The following SLC45A4 variants were observed in gnomAD, a reference collection of about 807,000 sequenced individuals.
SLC45A4 encodes the protein polyamine-transporter SLC45A4.
In SLC45A4, 32 loss-of-function variants were observed where a neutral mutation model predicts 63.7. The observed-to-expected ratio is 0.50, with a 90% CI of 0.38 to 0.67. The LOEUF is 0.67. Ranked by LOEUF, SLC45A4 falls within the 30% of genes least tolerant of loss-of-function variation. SLC45A4 has a pLI of 0.00. For missense variants in SLC45A4, 1,027 were observed against 1,157.7 expected, an observed-to-expected ratio of 0.89 and a Z score of 1.64; for synonymous variants, 535 against 510.0, an observed-to-expected ratio of 1.05 and a Z score of -0.66.
Position 141,300,611 on chromosome 8 carries a change from C to T in SLC45A4, c.-401+7485G>A, listed in dbSNP as rs372344891. Among the ~76,000 whole-genome samples the T allele has an allele frequency of 3.4e-3, 515 of 152,332 alleles. 3 individuals carry two copies. Among genetic ancestry groups the T allele is most frequent in the African/African-American group, 0.012 (490 of 41,574 alleles). On this transcript the variant is annotated intron_variant, in intron 1 of 8. Transcript: ENST00000517878. ...CTGCCTCGCTCCGGAACAGGCACAG[C>T]GATGCCCTGTGCAGGAAGAAGGGCG...
At chr8:141,295,862 T>C (rs1830530024) in intron 1 of SLC45A4, among the ~76,000 whole-genome samples, 1 of 152,156 alleles carries the variant, frequency 6.6e-6, no homozygotes, top group Non-Finnish European at 1.5e-5. Context: ...GGTGCGGAGC[T>C]CATCTCGTAA....
chr8:141,217,326 C>T, intron 5 of SLC45A4, 137 bp from the exon 6 acceptor site: 1 of 854,120 alleles, frequency 1.2e-6, no homozygotes, highest in Non-Finnish European at 1.8e-6. Context: ...AGGAGGAGAG[C>T]CCAGCCCAAG....
chr8:141,251,302 C>T lies in SLC45A4; in HGVS notation c.241+2687G>A, dbSNP rs776867653. 4.6e-5 allele frequency among the ~76,000 whole-genome samples: 7 copies of T among 152,242 alleles called. No homozygotes were observed. The South Asian group carries it at 1.0e-3, about 23-fold the overall frequency. ...TCGCGAAAGTGGTTCTTCAGTTCCACGAACACAGCCAGGTCTCCCCTCCCT... is the reference window on the plus strand; with the variant it reads ...TCGCGAAAGTGGTTCTTCAGTTCCATGAACACAGCCAGGTCTCCCCTCCCT... On this transcript the variant is annotated intron_variant, in intron 2 of 8. Coordinates refer to ENST00000517878, the MANE Select transcript of SLC45A4 (RefSeq NM_001286646.2).
chr8:141,239,242 C>A (rs1827781164), intron 2 of SLC45A4, among the ~76,000 whole-genome samples: 2 of 152,150 alleles, frequency 1.3e-5, no homozygotes, highest in Admixed American at 1.3e-4. Flanking sequence ...TGTGGTTTTT[C>A]AAAACAGGAA....
At chr8:141,301,612 A>C (rs973413840) in intron 1 of SLC45A4, among the ~76,000 whole-genome samples, 1 of 151,668 alleles carries the variant, frequency 6.6e-6, no homozygotes, top group Non-Finnish European at 1.5e-5. Flanking sequence ...TTAGCTGGGC[A>C]TAAGCCCAGC....
At position 141,243,504 on chromosome 8, in the gene SLC45A4, G is replaced by A. The variant is rs1345073168; in HGVS notation, c.241+10485C>T. ...CTTTCAAGATTTAAATACAGGCCGG[G>A]TGCAGTGGCTCACACCTATCATCTC... On this transcript the variant is annotated intron_variant, in intron 2 of 8. Coordinates refer to ENST00000517878, the MANE Select transcript of SLC45A4 (RefSeq NM_001286646.2). 2.0e-5 allele frequency among the ~76,000 whole-genome samples: 3 copies of A among 152,158 alleles called. No homozygotes were observed. The East Asian group carries it at 5.8e-4, about 29-fold the overall frequency.
chr8:141,214,931 C>A (rs1250289274), intron 7 of SLC45A4, among the ~76,000 whole-genome samples: 1 of 152,200 alleles, frequency 6.6e-6, no homozygotes, highest in Non-Finnish European at 1.5e-5. Context: ...GACTGTCAGC[C>A]AACAGCACGG....
At chr8:141,241,981 G>C (rs1368995084) in intron 2 of SLC45A4, among the ~76,000 whole-genome samples, 1 of 152,080 alleles carries the variant, frequency 6.6e-6, no homozygotes, top group Non-Finnish European at 1.5e-5. Context: ...CCTTCGCACG[G>C]ACAGCGGGAC....
chr8:141,219,025 G>A lies in SLC45A4; in HGVS notation c.615C>T (p.Leu205=), dbSNP rs376570378. The A allele has an allele frequency of 9.4e-5, 151 of 1,608,272 alleles. 1 individual carries two copies. The East Asian group carries it at 1.6e-3, about 17-fold the overall frequency. ...ALNIHAFSAG[L]GGAIGYVLGG... ...CCAGCACGTAGCCGATGGCTCCGCC[G>A]AGGCCTGCGTGGGAGGAAGCAGCAG... The change falls in exon 5 of 9, where the codon CTC becomes CTT. Residue 205 remains leucine (L), a synonymous_variant. Transcript: ENST00000517878.
At position 141,229,901 on chromosome 8, in the gene SLC45A4, T is replaced by C. The variant is rs139087216; in HGVS notation, c.242-8136A>G. ...GGCACGCTGGGAAAGGTGGGCATTATGGAGATTAAAGGAGAACATGGTGCG... is the reference window on the plus strand; with the variant it reads ...GGCACGCTGGGAAAGGTGGGCATTACGGAGATTAAAGGAGAACATGGTGCG... On this transcript the variant is annotated intron_variant, in intron 2 of 8. Coordinates refer to ENST00000517878, the MANE Select transcript of SLC45A4 (RefSeq NM_001286646.2). The surrounding 1 kb of genome is among the most constrained non-coding windows in gnomAD (Gnocchi z 5.0). Among the ~76,000 whole-genome samples the C allele has an allele frequency of 2.6e-5, 4 of 152,274 alleles. No homozygotes were observed. The highest frequency in any genetic ancestry group is 5.9e-5 in the Non-Finnish European group (4 of 68,016).
intron 6 of SLC45A4, 40 bp from the exon 7 acceptor site, chr8:141,216,010 G>T: frequency 6.4e-7 from 1 of 1,573,946 alleles, no homozygotes. Context: ...GTGGGCAGGC[G>T]GCTGGCTCCT....
chr8:141,241,554 A>G (rs926525050), intron 2 of SLC45A4, among the ~76,000 whole-genome samples: 11 of 152,090 alleles, frequency 7.2e-5, no homozygotes, highest in African/African-American at 2.7e-4. Context: ...CTTTGCATCC[A>G]TTACAATACA....
chr8:141,241,255 C>T (rs139644547), intron 2 of SLC45A4, among the ~76,000 whole-genome samples: 1 of 152,248 alleles, frequency 6.6e-6, no homozygotes, highest in Non-Finnish European at 1.5e-5. Context: ...CCAAGAAGGG[C>T]GACAGACGGC....
intron 1 of SLC45A4, among the ~76,000 whole-genome samples, chr8:141,257,684 C>T (rs1252054011): frequency 2.6e-5 from 4 of 152,118 alleles, no homozygotes; most frequent in Non-Finnish European, 5.9e-5. Flanking sequence ...AACTCTGCAC[C>T]CTCCAGGGAC....
At position 141,278,999 on chromosome 8, in the gene SLC45A4, C is replaced by G. The variant is rs1469756267; in HGVS notation, c.-400-24370G>C. Among the ~76,000 whole-genome samples the G allele has an allele frequency of 6.6e-6, 1 of 152,246 alleles. No homozygotes were observed. Among genetic ancestry groups the G allele is most frequent in the East Asian group, 1.9e-4 (1 of 5,192 alleles). On this transcript the variant is annotated intron_variant, in intron 1 of 8. Coordinates refer to ENST00000517878, the MANE Select transcript of SLC45A4 (RefSeq NM_001286646.2). This position sits in a 1 kb window ranked among gnomAD's most constrained non-coding sequence, Gnocchi z 4.1. ...CACCTTGGCCCCCAGCCTGTGGGCA[C>G]AGTTTCTCTCCACAGGCTTGGCTGG...
chr8:141,294,559 C>T (rs971018503), intron 1 of SLC45A4, among the ~76,000 whole-genome samples: 22 of 152,224 alleles, frequency 1.4e-4, no homozygotes, highest in African/African-American at 2.7e-4. Flanking sequence ...CTCCCCAGAG[C>T]GGTCCCCTCA....
intron 2 of SLC45A4, among the ~76,000 whole-genome samples, chr8:141,236,916 C>G (rs1283662486): frequency 6.6e-6 from 1 of 152,232 alleles, no homozygotes; most frequent in Non-Finnish European, 1.5e-5. Flanking sequence ...TCAACACAAA[C>G]CTCCATCGGT....
chr8:141,278,394 C>T lies in SLC45A4; in HGVS notation c.-400-23765G>A. 6.5e-6 allele frequency: 1 copy of T among 153,324 alleles called. No individual in the cohort carries two copies. The highest frequency in any genetic ancestry group is 1.5e-5 in the Non-Finnish European group (1 of 68,798). 9.5% of individuals were successfully genotyped at this position (153,324 alleles called of 1,614,324 possible). A position where few individuals can be genotyped will look rare whatever the true frequency, so the allele number is the denominator to read the frequency against. On this transcript the variant is annotated intron_variant, in intron 1 of 8. Coordinates refer to ENST00000517878, the MANE Select transcript of SLC45A4 (RefSeq NM_001286646.2). The surrounding 1 kb of genome is among the most constrained non-coding windows in gnomAD (Gnocchi z 4.1). ...AGGACACTAGCGGGACAGGGGTGAGCACCTGCGGTGGAAGCGGGGCGGGCG... is the reference window on the plus strand; with the variant it reads ...AGGACACTAGCGGGACAGGGGTGAGTACCTGCGGTGGAAGCGGGGCGGGCG...
chr8:141,254,058 C>T lies in SLC45A4; in HGVS notation c.172G>A (p.Val58Met). ...TAACAGAACTCCCTGCCAAACATCA[C>T]CGCCCCGTGCATCACCCACAGGCGC... is the stretch of plus-strand genomic sequence containing the variant. ...PMRLWVMHGA[V>M]MFGREFCYAM... Residue 58 changes from valine (V) to methionine (M), a missense_variant, in exon 2 of 9, where the codon GTG (valine) becomes ATG (methionine). By Grantham distance (21) the Val-to-Met change is conservative. Transcript: ENST00000517878. This position sits in a 1 kb window ranked among gnomAD's most constrained non-coding sequence, Gnocchi z 4.5. 6.5e-7 allele frequency: 1 copy of T among 1,536,190 alleles called. No individual in the cohort carries two copies. Among genetic ancestry groups the T allele is most frequent in the Non-Finnish European group, 8.7e-7 (1 of 1,146,920 alleles).
Sources: gnomAD v4.1 joint callset for allele counts (sites outside exome capture counted in the v4.1 genomes callset) on GRCh38, gnomAD v4.1.1 for gene constraint, Gnocchi (gnomAD v3.1) non-coding constraint, MANE v1.5 for transcripts, NCBI Gene and HGNC (gene_info 2026-07-23, HGNC 2026-07-21) for gene names.